HEATR5A: variants seen among roughly 807,000 people sequenced by gnomAD.
HEATR5A encodes the protein HEAT repeat-containing protein 5A.
HEATR5A carries 178 observed loss-of-function variants against 218.8 expected under a neutral mutation model. That is an observed-to-expected ratio of 0.81 (90% CI 0.72 to 0.92). HEATR5A has a LOEUF of 0.92. Among genes scored for constraint, HEATR5A ranks in the 40% least tolerant of loss-of-function variants. The probability of loss-of-function intolerance (pLI) is 0.00; values close to 1 mark genes in which losing one functional copy is unlikely to be tolerated. For synonymous variants in HEATR5A, 864 were observed against 871.6 expected (o/e 0.99, Z 0.15); for missense variants, 2,420 against 2,418.9 (o/e 1.00, Z -0.01).
At chr14:31,394,369 G>A in intron 5 of HEATR5A, 143 bp from the exon 6 acceptor site, 2 of 476,114 alleles carry the variant, frequency 4.2e-6, no homozygotes, top group Non-Finnish European at 7.2e-6. Context: ...AATAATAAAT[G>A]GATACTTATT....
intron 11 of HEATR5A, among the ~76,000 whole-genome samples, chr14:31,377,315 C>T (rs1455119658): frequency 6.6e-6 from 1 of 151,716 alleles, no homozygotes; most frequent in Non-Finnish European, 1.5e-5. Flanking sequence ...GAAGGGACTC[C>T]CAATGACCAA....
intron 24 of HEATR5A, 43 bp from the exon 25 acceptor site, chr14:31,321,723 A>C: frequency 7.0e-7 from 1 of 1,418,560 alleles, no homozygotes; most frequent in Non-Finnish European, 9.5e-7. Context: ...AAGATTAGAA[A>C]ATATCAAAAA....
At chr14:31,365,254 C>G (rs1901760166) in intron 13 of HEATR5A, among the ~76,000 whole-genome samples, 1 of 152,168 alleles carries the variant, frequency 6.6e-6, no homozygotes, top group African/African-American at 2.4e-5. Context: ...AATGAAATTA[C>G]TTTTATTATG....
At chr14:31,361,759 A>G (rs929673339) in intron 14 of HEATR5A, among the ~76,000 whole-genome samples, 2 of 152,122 alleles carry the variant, frequency 1.3e-5, no homozygotes, top group African/African-American at 4.8e-5. Flanking sequence ...TAAGAACTCA[A>G]TTTTTACTCC....
intron 27 of HEATR5A, among the ~76,000 whole-genome samples, chr14:31,314,898 C>T (rs10144921): frequency 0.048 from 7,242 of 152,192 alleles, 509 homozygotes; most frequent in African/African-American, 0.16. Context: ...CTGGGCCAGG[C>T]GTGGTGGCTC....
chr14:31,347,987 C>A (rs1240087266), intron 18 of HEATR5A, 80 bp from the exon 19 acceptor site: 1 of 865,292 alleles, frequency 1.2e-6, no homozygotes, highest in East Asian at 3.2e-5. Context: ...TACACTGTCA[C>A]TTAGGCAAAA....
intron 1 of HEATR5A, among the ~76,000 whole-genome samples, chr14:31,404,192 G>C (rs1208645364): frequency 2.0e-5 from 3 of 152,094 alleles, no homozygotes; most frequent in Non-Finnish European, 4.4e-5. Flanking sequence ...AACATAGAAG[G>C]TACCAGATCA....
At chr14:31,391,650 G>A (rs998917274) in intron 6 of HEATR5A, among the ~76,000 whole-genome samples, 1 of 152,064 alleles carries the variant, frequency 6.6e-6, no homozygotes, top group Admixed American at 6.6e-5. Flanking sequence ...CTCGCCACTC[G>A]CTGATTCACC....
rs769967448 is a variant in HEATR5A at position 31,380,489 on chromosome 14, C to T, written c.1686G>A (p.Leu562=). 10 of 1,607,208 alleles carry T rather than the reference C, an allele frequency of 6.2e-6. No individual in the cohort carries two copies. The highest frequency in any genetic ancestry group is 1.7e-4 in the Middle Eastern group (1 of 6,058). The part of the protein sequence containing the change: ...SAQRTQAGWL[L]ISALMTLGPA... The stretch of plus-strand genomic sequence containing the variant: ...TACCTAATGTCATCAGAGCAGAAAT[C>T]AGCAACCATCCAGCTTGTGTGCGCT... Residue 562 remains leucine (L), a synonymous_variant, in exon 11 of 36, where the codon CTG becomes CTA. Coordinates refer to ENST00000543095, the MANE Select transcript of HEATR5A (RefSeq NM_015473.4).
chr14:31,378,171 T>G (rs1338105351), intron 11 of HEATR5A, among the ~76,000 whole-genome samples: 1 of 152,196 alleles, frequency 6.6e-6, no homozygotes, highest in Non-Finnish European at 1.5e-5. Flanking sequence ...ACAAACACTT[T>G]CTGTAAAGGG....
chr14:31,340,415 CAAAA>C (rs746363266), intron 21 of HEATR5A: 1 of 1,273,510 alleles, frequency 7.9e-7, no homozygotes, highest in East Asian at 5.6e-5. Context: ...CCGCAAAACT[CAAAA>C]AAAGTTAGGA....
At chr14:31,329,693 T>C (rs76437398) in intron 22 of HEATR5A, among the ~76,000 whole-genome samples, 12,689 of 152,184 alleles carry the variant, frequency 0.083, 601 homozygotes, top group East Asian at 0.16. Flanking sequence ...GATCTACCAC[T>C]CTGGGGTCTA....
chr14:31,392,302 T>A (rs985341409), intron 6 of HEATR5A, among the ~76,000 whole-genome samples: 2 of 152,110 alleles, frequency 1.3e-5, no homozygotes, highest in African/African-American at 4.8e-5. Context: ...TGATGCAATG[T>A]ATCTGGCAAT....
At chr14:31,377,963 CTTG>C (rs1248023472) in intron 11 of HEATR5A, among the ~76,000 whole-genome samples, 2 of 152,154 alleles carry the variant, frequency 1.3e-5, no homozygotes, top group Admixed American at 1.3e-4. Flanking sequence ...GAAAGGACTT[CTTG>C]TTGTCTTCCT....
intron 22 of HEATR5A, among the ~76,000 whole-genome samples, chr14:31,335,357 T>A (rs1486508889): frequency 5.3e-5 from 8 of 152,062 alleles, no homozygotes; most frequent in African/African-American, 7.2e-5. Context: ...TTTTTATTTT[T>A]TTTTTTTGTT....
intron 33 of HEATR5A, 99 bp downstream of exon 33, chr14:31,302,196 A>C: frequency 1.2e-6 from 1 of 813,664 alleles, no homozygotes; most frequent in Non-Finnish European, 2.0e-6. Flanking sequence ...CCTCTAGGTG[A>C]TATGGCCAAA....
At chr14:31,403,108 C>A (rs147557302) in intron 1 of HEATR5A, 59 bp from the exon 2 acceptor site, 5 of 754,988 alleles carry the variant, frequency 6.6e-6, no homozygotes, top group Admixed American at 6.1e-5. Flanking sequence ...GCAATCATAA[C>A]GGAAATCAGA....
Position 31,402,938 on chromosome 14 carries a change from G to A in HEATR5A, c.38C>T (p.Ala13Val), listed in dbSNP as rs1385738617. Residue 13 changes from alanine to valine, a missense_variant, in exon 2 of 36, where the codon GCA becomes GTA. Ala to Val is a moderately conservative substitution (Grantham distance 64). Transcript: ENST00000543095. ...LAHSLLLNEEAYNQLGEVQKA... is the reference protein window; with the variant it reads ...LAHSLLLNEEVYNQLGEVQKA... ...CTGAACTTCACCTAGTTGATTGTAT[G>A]CTTCTTCATTCAGCAGTAAGCTATG... The A allele has an allele frequency of 2.6e-6, 4 of 1,535,794 alleles. No homozygotes were observed. The highest frequency in any genetic ancestry group is 1.4e-5 in the African/African-American group (1 of 73,008).
chr14:31,351,496 G>T (rs1453152573), intron 16 of HEATR5A, among the ~76,000 whole-genome samples: 1 of 103,790 alleles, frequency 9.6e-6, no homozygotes, highest in African/African-American at 3.5e-5. Flanking sequence ...CTGTCTCAGA[G>T]AAAGAAAGAA....
Sources: allele counts gnomAD v4.1 joint callset (sites outside exome capture counted in the v4.1 genomes callset), GRCh38; gene constraint gnomAD v4.1.1; transcripts MANE v1.5; gene names NCBI Gene and HGNC (gene_info 2026-07-23, HGNC 2026-07-21).